The following POC1B variants were observed in gnomAD, a reference collection of about 807,000 sequenced individuals.
POC1B encodes the protein POC1 centriolar protein homolog B.
In POC1B, 44 loss-of-function variants were observed where a neutral mutation model predicts 60.6. The observed-to-expected ratio is 0.73, with a 90% confidence interval of 0.57 to 0.93. POC1B has a LOEUF of 0.93. Among genes scored for constraint, POC1B ranks in the 40% least tolerant of loss-of-function variants. POC1B has a pLI of 0.00. For missense variants in POC1B, 555 were observed against 572.3 expected (o/e 0.97, Z 0.31); for synonymous variants, 180 against 198.9 (o/e 0.90, Z 0.80).
intron 10 of POC1B, chr12:89,426,210 G>C (rs542144610): frequency 6.6e-6 from 1 of 152,168 alleles, no homozygotes; most frequent in Non-Finnish European, 1.5e-5. Context: ...AAAAAGTACA[G>C]TAGAGGTTAC....
chr12:89,436,160 GTCTTGATC>G (rs1278048066), intron 10 of POC1B, among the ~76,000 whole-genome samples: 7 of 151,978 alleles, frequency 4.6e-5, no homozygotes, highest in Middle Eastern at 3.4e-3. Flanking sequence ...GGCCAGGATG[GTCTTGATC>G]TCTTGATCTC....
Position 89,500,424 on chromosome 12 carries a change from T to C in POC1B, c.101-3082A>G, listed in dbSNP as rs1003874201. On this transcript the variant is annotated intron_variant, in intron 2 of 11. Coordinates refer to ENST00000313546, the MANE Select transcript of POC1B (RefSeq NM_172240.3). ...CCAAGTGAAGCCACCAACAGATCAGTTCAGGCCCATGAAGTTCGTCAGAAA... is the reference window on the plus strand; with the variant it reads ...CCAAGTGAAGCCACCAACAGATCAGCTCAGGCCCATGAAGTTCGTCAGAAA... The C allele has an allele frequency of 2.0e-6, 3 of 1,535,210 alleles. No homozygotes were observed. In the African/African-American group the frequency reaches 4.1e-5, roughly 21 times the overall value.
At chr12:89,403,924 G>A in the POC1B span, among the ~76,000 whole-genome samples, 6 of 152,118 alleles carry the variant, frequency 3.9e-5, no homozygotes, top group African/African-American at 1.2e-4. Context: ...CCTGAGGTCT[G>A]CAGTTCGAGA....
the POC1B span, among the ~76,000 whole-genome samples, chr12:89,411,834 T>C: frequency 1.3e-5 from 2 of 152,190 alleles, no homozygotes; most frequent in African/African-American, 4.8e-5. Flanking sequence ...GACACAGTTG[T>C]TATTAGTGTT....
At chr12:89,514,980 A>C (rs1429453700) in intron 2 of POC1B, among the ~76,000 whole-genome samples, 1 of 152,044 alleles carries the variant, frequency 6.6e-6, no homozygotes, top group African/African-American at 2.4e-5. Context: ...TCTTGTATTC[A>C]CATCCTCCTC....
intron 10 of POC1B, among the ~76,000 whole-genome samples, chr12:89,431,191 T>C (rs1409891741): frequency 6.6e-6 from 1 of 152,218 alleles, no homozygotes; most frequent in East Asian, 1.9e-4. Flanking sequence ...TAAAATAAGT[T>C]AGTTTTGGTT....
intron 10 of POC1B, among the ~76,000 whole-genome samples, chr12:89,457,383 G>T (rs1882301673): frequency 6.6e-6 from 1 of 152,138 alleles, no homozygotes; most frequent in South Asian, 2.1e-4. Context: ...CTAAAAGAAA[G>T]AGATACACAT....
At chr12:89,424,530 A>T (rs963919374) in intron 11 of POC1B, among the ~76,000 whole-genome samples, 2 of 152,192 alleles carry the variant, frequency 1.3e-5, no homozygotes, top group Admixed American at 6.5e-5. Flanking sequence ...CTCATTCTAC[A>T]CATCAAAGAG....
At chr12:89,496,616 T>C (rs982176031) in intron 3 of POC1B, among the ~76,000 whole-genome samples, 1 of 152,210 alleles carries the variant, frequency 6.6e-6, no homozygotes, top group African/African-American at 2.4e-5. Flanking sequence ...AGATGGGCTA[T>C]TAGTTAGGGT....
chr12:89,478,088 TTCATTC>T (rs1319762126), intron 4 of POC1B, among the ~76,000 whole-genome samples: 3 of 46,438 alleles, frequency 6.5e-5, no homozygotes, highest in Admixed American at 1.6e-4. Flanking sequence ...CATTCATTCA[TTCATTC>T]ATTCATTCAT....
intron 10 of POC1B, among the ~76,000 whole-genome samples, chr12:89,429,695 A>G (rs2120671296): frequency 6.6e-6 from 1 of 152,318 alleles, no homozygotes; most frequent in South Asian, 2.1e-4. Flanking sequence ...CAGGGCCCAA[A>G]TCCCCCACAA....
At chr12:89,515,162 T>C (rs1392428363) in intron 2 of POC1B, among the ~76,000 whole-genome samples, 1 of 152,154 alleles carries the variant, frequency 6.6e-6, no homozygotes, top group African/African-American at 2.4e-5. Context: ...ACTCAACAGA[T>C]ATGTGACCCC....
chr12:89,502,392 G>A (rs952055793), intron 2 of POC1B: 23 of 1,557,638 alleles, frequency 1.5e-5, no homozygotes, highest in Non-Finnish European at 2.0e-5. Context: ...ATCAAGGAAG[G>A]CCATCAGGAG....
In POC1B at chr12:89,456,193, G is replaced by A. The variant is rs540049252; in HGVS notation, c.1113+3445C>T. Among the ~76,000 whole-genome samples, 6 of 152,190 alleles carry A rather than the reference G, an allele frequency of 3.9e-5. No individual in the cohort carries two copies. In the East Asian group the frequency reaches 1.2e-3, roughly 29 times the overall value. On this transcript the variant is annotated intron_variant, in intron 10 of 11. Transcript: ENST00000313546. ...ACACCACCACGCCCGGCTAATTTTT[G>A]TAGTTTTAGTAGAGGAGGGGTTTTG...
intron 10 of POC1B, among the ~76,000 whole-genome samples, chr12:89,452,998 T>C (rs1165720119): frequency 6.6e-6 from 1 of 152,180 alleles, no homozygotes; most frequent in Non-Finnish European, 1.5e-5. Flanking sequence ...TTCCAGTCTC[T>C]AATATTTTCT....
intron 2 of POC1B, chr12:89,523,397 C>T (rs1445659824): frequency 6.2e-7 from 1 of 1,614,066 alleles, no homozygotes; most frequent in Non-Finnish European, 8.5e-7. Context: ...TCCATCCAAA[C>T]TTCTGCTGCC....
chr12:89,450,405 G>A (rs1408292243), intron 10 of POC1B, among the ~76,000 whole-genome samples: 3 of 152,014 alleles, frequency 2.0e-5, no homozygotes, highest in African/African-American at 7.2e-5. Flanking sequence ...ACAGGGTTTC[G>A]CCATGTTGGC....
intron 2 of POC1B, chr12:89,500,361 C>A (rs566347698): frequency 2.8e-4 from 421 of 1,505,012 alleles, no homozygotes; most frequent in Non-Finnish European, 3.5e-4. Flanking sequence ...CCACTTTCTT[C>A]AAGGAAGAAA....
At chr12:89,455,240 C>T (rs2120784970) in intron 10 of POC1B, among the ~76,000 whole-genome samples, 1 of 152,230 alleles carries the variant, frequency 6.6e-6, no homozygotes, top group South Asian at 2.1e-4. Context: ...GAAGCTGAGG[C>T]AGGAGAATCA....
Sources: allele counts gnomAD v4.1 joint callset (sites outside exome capture counted in the v4.1 genomes callset), GRCh38; gene constraint gnomAD v4.1.1; transcripts MANE v1.5; gene names NCBI Gene and HGNC (gene_info 2026-07-23, HGNC 2026-07-21).